NPAT: variants seen among roughly 807,000 people sequenced by gnomAD.
NPAT encodes protein NPAT.
Under a neutral mutation model 130.7 loss-of-function variants are expected in NPAT, and 52 were observed. The observed-to-expected ratio is 0.40, with a 90% CI of 0.32 to 0.50. The LOEUF (loss-of-function observed/expected upper bound fraction) is 0.50. Ranked by LOEUF, NPAT falls within the 20% of genes least tolerant of loss-of-function variation. The pLI, the probability that NPAT is intolerant of heterozygous loss-of-function variation, is 0.68. For missense variants in NPAT, 1,687 were observed against 1,662.6 expected (o/e 1.01, Z -0.26); for synonymous variants, 580 against 584.8 (o/e 0.99, Z 0.12).
rs760021949 is a variant in NPAT at position 108,172,904 on chromosome 11, G to A, written c.2080C>T (p.Pro694Ser). 1.2e-6 allele frequency: 2 copies of A among 1,614,096 alleles called. No homozygotes were observed. The highest frequency in any genetic ancestry group is 1.7e-5 in the Admixed American group (1 of 60,022). ...KVALTPPEGT[P>S]VENSHSLPPE... ...GGAAGAGAGTGACTGTTTTCTACAG[G>A]AGTGCCTTCTGGAGGCGTCAGTGCA... Residue 694 changes from proline to serine, a missense_variant, in exon 13 of 18, where the codon CCT becomes TCT. By Grantham distance (74) the Pro-to-Ser change is moderately conservative. Coordinates refer to ENST00000278612, the MANE Select transcript of NPAT (RefSeq NM_002519.3).
At chr11:108,176,176 T>C in intron 12 of NPAT, 70 bp downstream of exon 12, 2 of 1,170,476 alleles carry the variant, frequency 1.7e-6, no homozygotes, top group South Asian at 1.3e-5. Context: ...AAATTAATAT[T>C]TTCTGCCTTT....
rs745781114 is a variant in NPAT, at chr11:108,172,217, A to G, written c.2767T>C (p.Ser923Pro). ...NSVFAVNQAV[S>P]PNFSQGSAII... ...AAGTTACCTTGTGAAAAGTTTGGTG[A>G]CACAGCTTGGTTGACAGCAAATACA... Residue 923 changes from serine to proline, a missense_variant, in exon 13 of 18, where the codon TCA (serine) becomes CCA (proline). Around this residue, in one of 3 missense-constraint regions of NPAT, gnomAD observed 1,379 missense variants for 1,346.6 expected, o/e 1.02. Coordinates refer to ENST00000278612, the MANE Select transcript of NPAT (RefSeq NM_002519.3). 3.7e-6 allele frequency: 6 copies of G among 1,614,130 alleles called. No individual in the cohort carries two copies. In the South Asian group the frequency reaches 4.4e-5, roughly 12 times the overall value.
At chr11:108,194,522 T>C (rs1180185528) in intron 2 of NPAT, among the ~76,000 whole-genome samples, 1 of 152,270 alleles carries the variant, frequency 6.6e-6, no homozygotes. Flanking sequence ...TTATTTAATA[T>C]TCATCCACGT....
chr11:108,170,390 G>C (rs1273362133), intron 13 of NPAT, among the ~76,000 whole-genome samples: 1 of 152,144 alleles, frequency 6.6e-6, no homozygotes, highest in Non-Finnish European at 1.5e-5. Flanking sequence ...AATGAAACTA[G>C]TTAGAAAATG....
At chr11:108,176,742 C>G (rs1321811199) in intron 11 of NPAT, among the ~76,000 whole-genome samples, 1 of 152,060 alleles carries the variant, frequency 6.6e-6, no homozygotes, top group East Asian at 1.9e-4. Context: ...TGGTAGACAT[C>G]AACACATTCC....
chr11:108,188,310 G>GC, intron 6 of NPAT, 131 bp from the exon 7 acceptor site: 2 of 727,554 alleles, frequency 2.7e-6, no homozygotes, highest in Non-Finnish European at 4.9e-6. Flanking sequence ...TGCCTACCAT[G>GC]TGTAAAGCAT....
At chr11:108,170,434 A>G (rs1287873715) in intron 13 of NPAT, among the ~76,000 whole-genome samples, 1 of 152,238 alleles carries the variant, frequency 6.6e-6, no homozygotes, top group Non-Finnish European at 1.5e-5. Context: ...ACCTTACACC[A>G]GAAAATTACA....
chr11:108,176,517 A>G (rs1005383978), intron 11 of NPAT, 143 bp from the exon 12 acceptor site: 1 of 658,586 alleles, frequency 1.5e-6, no homozygotes, highest in South Asian at 1.8e-5. Context: ...TTTTAATATC[A>G]TTTACAAGTA....
intron 2 of NPAT, among the ~76,000 whole-genome samples, chr11:108,195,929 G>A (rs1332873991): frequency 6.6e-6 from 1 of 152,194 alleles, no homozygotes; most frequent in Non-Finnish European, 1.5e-5. Context: ...GTCTGGCCCA[G>A]CCTATTTCTT....
intron 3 of NPAT, among the ~76,000 whole-genome samples, chr11:108,192,527 T>G (rs549372645): frequency 6.6e-6 from 1 of 152,368 alleles, no homozygotes; most frequent in South Asian, 2.1e-4. Flanking sequence ...CATATGAAAG[T>G]GAATTAAAGT....
At chr11:108,160,848 T>G in intron 17 of NPAT, 32 bp downstream of exon 17, 1 of 1,580,568 alleles carries the variant, frequency 6.3e-7, no homozygotes, top group Non-Finnish European at 8.6e-7. Context: ...AAAAAAAAGG[T>G]GTGGTTTTGA....
chr11:108,191,267 T>A (rs1209540014), intron 4 of NPAT, among the ~76,000 whole-genome samples: 1 of 152,196 alleles, frequency 6.6e-6, no homozygotes. Context: ...CATCCAGCTT[T>A]TATAAAATTT....
At chr11:108,205,185 T>C (rs4754305) in intron 1 of NPAT, among the ~76,000 whole-genome samples, 80,090 of 152,100 alleles carry the variant, frequency 0.53, 21,923 homozygotes, top group Middle Eastern at 0.73. Flanking sequence ...AGTGAGATGA[T>C]ATTCAAAGAC....
chr11:108,205,735 A>G (rs980164172), intron 1 of NPAT, among the ~76,000 whole-genome samples: 5 of 152,334 alleles, frequency 3.3e-5, no homozygotes, highest in South Asian at 2.1e-4. Context: ...GAGTAACTTG[A>G]TAACAACATA....
chr11:108,162,147 C>A lies in NPAT; in HGVS notation c.3044G>T (p.Gly1015Val), dbSNP rs1370369253. The part of the protein sequence containing the change: ...KQVNNLVDSS[G>V]HSVGCHAQKT... Reference sequence around the variant, plus strand: ...TTGTGCATGACATCCAACTGAATGACCTGACGAATCCACCAAATTATTTAC... The same window carrying A: ...TTGTGCATGACATCCAACTGAATGAACTGACGAATCCACCAAATTATTTAC... Residue 1015 changes from glycine to valine, a missense_variant, in exon 16 of 18, where the codon GGT becomes GTT. Gly to Val is a moderately radical substitution (Grantham distance 109, BLOSUM62 -3). This residue lies in a region of NPAT where 1,379 missense variants were observed against 1,346.6 expected (regional missense o/e 1.02). Transcript: ENST00000278612. The A allele has an allele frequency of 6.2e-7, 1 of 1,613,892 alleles. No individual in the cohort carries two copies. The highest frequency in any genetic ancestry group is 8.5e-7 in the Non-Finnish European group (1 of 1,179,922).
At chr11:108,194,253 T>G (rs1459636643) in intron 2 of NPAT, among the ~76,000 whole-genome samples, 1 of 152,212 alleles carries the variant, frequency 6.6e-6, no homozygotes, top group Admixed American at 6.5e-5. Flanking sequence ...TGGGTATCAC[T>G]GCTTCCAGAC....
chr11:108,210,078 C>T (rs918320338), intron 1 of NPAT, among the ~76,000 whole-genome samples: 10 of 144,648 alleles, frequency 6.9e-5, no homozygotes, highest in African/African-American at 1.0e-4. Context: ...CTAGACCAAC[C>T]GAAAAAAAAA....
At position 108,190,469 on chromosome 11, in the gene NPAT, T is replaced by A. The variant is rs1469112518; in HGVS notation, c.322A>T (p.Ser108Cys). Residue 108 changes from serine (S) to cysteine (C), a missense_variant, in exon 5 of 18, where the codon AGT becomes TGT. Physicochemically the swap from Ser to Cys is moderately radical, Grantham distance 112. Transcript: ENST00000278612. Reference protein sequence around the residue: ...SMQSSPRFAGSQRARTRTGIA... With the variant: ...SMQSSPRFAGCQRARTRTGIA... The stretch of plus-strand genomic sequence containing the variant: ...AAAGTTGGATACCAACCTCTCTGAC[T>A]GCCAGCAAACCTTGGGGAACTTTGC... 6.2e-7 allele frequency: 1 copy of A among 1,613,842 alleles called. No homozygotes were observed. Among genetic ancestry groups the A allele is most frequent in the Admixed American group, 1.7e-5 (1 of 60,022 alleles).
chr11:108,213,285 G>A (rs985792889), intron 1 of NPAT, among the ~76,000 whole-genome samples: 13 of 152,020 alleles, frequency 8.6e-5, no homozygotes, highest in Non-Finnish European at 8.8e-5. Context: ...AAAACAAAAC[G>A]AAACAAAACA....
Sources: allele counts gnomAD v4.1 joint callset (sites outside exome capture counted in the v4.1 genomes callset), GRCh38; gene constraint gnomAD v4.1.1; regional missense constraint gnomAD v4.1.1; transcripts MANE v1.5; gene names NCBI Gene and HGNC (gene_info 2026-07-23, HGNC 2026-07-21).